PKNOX2: variants seen among roughly 807,000 people sequenced by gnomAD.
PKNOX2 encodes the protein homeobox protein PKNOX2.
In PKNOX2, 14 loss-of-function variants were observed where a neutral mutation model predicts 53.1. That is an observed-to-expected ratio of 0.26 (90% confidence interval 0.17 to 0.41). The LOEUF (loss-of-function observed/expected upper bound fraction) is 0.41. Ranked by LOEUF, PKNOX2 falls within the 10% of genes least tolerant of loss-of-function variation. The probability of loss-of-function intolerance (pLI) is 1.00; values close to 1 mark genes in which losing one functional copy is unlikely to be tolerated. For synonymous variants in PKNOX2, 257 were observed against 242.8 expected (o/e 1.06, Z -0.54); for missense variants, 496 against 602.8 (o/e 0.82, Z 1.85).
intron 2 of PKNOX2, among the ~76,000 whole-genome samples, chr11:125,260,139 A>G (rs994116047): frequency 4.6e-5 from 7 of 152,022 alleles, no homozygotes; most frequent in East Asian, 1.9e-4. Context: ...CAGCCCCCCA[A>G]AGTGCTGGGA....
chr11:125,309,152 T>C (rs1157403538), intron 2 of PKNOX2, among the ~76,000 whole-genome samples: 447 of 150,228 alleles, frequency 3.0e-3, no homozygotes, highest in African/African-American at 0.011. Flanking sequence ...TCTTTCTTTC[T>C]TTCTTTCCTT....
chr11:125,234,224 C>T (rs1322272194), intron 1 of PKNOX2, among the ~76,000 whole-genome samples: 2 of 152,222 alleles, frequency 1.3e-5, no homozygotes, highest in South Asian at 2.1e-4. Context: ...AAATAGGCAT[C>T]GCTTCTGTAC....
intron 2 of PKNOX2, among the ~76,000 whole-genome samples, chr11:125,279,079 G>T (rs1447138652): frequency 6.6e-6 from 1 of 152,194 alleles, no homozygotes; most frequent in East Asian, 1.9e-4. Context: ...CGGGACTATT[G>T]GAAACCAGAG....
intron 1 of PKNOX2, among the ~76,000 whole-genome samples, chr11:125,198,144 C>T (rs1937959002): frequency 6.6e-6 from 1 of 152,196 alleles, no homozygotes. Flanking sequence ...CTTGTTGGGG[C>T]TCTCACATCT....
intron 3 of PKNOX2, among the ~76,000 whole-genome samples, chr11:125,346,608 C>T (rs1393227106): frequency 6.6e-6 from 1 of 152,166 alleles, no homozygotes; most frequent in African/African-American, 2.4e-5. Context: ...GAAATTGAGA[C>T]CCAGACAGAG....
chr11:125,170,521 G>A (rs956538080), intron 1 of PKNOX2, among the ~76,000 whole-genome samples: 3 of 152,258 alleles, frequency 2.0e-5, no homozygotes, highest in East Asian at 1.9e-4. Flanking sequence ...AAGCAAGCCC[G>A]GGACAGCTCA....
intron 2 of PKNOX2, among the ~76,000 whole-genome samples, chr11:125,319,436 G>T (rs184005994): frequency 6.6e-6 from 1 of 152,150 alleles, no homozygotes; most frequent in East Asian, 1.9e-4. Context: ...TGCTCAATGC[G>T]GTGTTGCCAT....
At position 125,331,210 on chromosome 11, in the gene PKNOX2, A is replaced by T. The variant is rs150343976; in HGVS notation, c.-129-609A>T. ...AAACAAAATTAATTCACTTTAATCT[A>T]AAAATAAAAATAAGTCATGCAGCCA... On this transcript the variant is annotated intron_variant, in intron 2 of 12. Transcript: ENST00000298282. 2.8e-4 allele frequency among the ~76,000 whole-genome samples: 43 copies of T among 152,310 alleles called. 1 individual carries two copies. In the East Asian group the frequency reaches 8.1e-3, roughly 29 times the overall value.
At chr11:125,398,725 A>C (rs114521631) in intron 7 of PKNOX2, among the ~76,000 whole-genome samples, 1 of 152,152 alleles carries the variant, frequency 6.6e-6, no homozygotes, top group African/African-American at 2.4e-5. Flanking sequence ...CCAGGGCAGG[A>C]TATTTTCCCC....
intron 10 of PKNOX2, among the ~76,000 whole-genome samples, chr11:125,417,926 C>T (rs1394956852): frequency 2.6e-5 from 4 of 152,042 alleles, no homozygotes; most frequent in Admixed American, 2.6e-4. Context: ...CTTCTATGAA[C>T]TCTGCTGTGG....
intron 2 of PKNOX2, among the ~76,000 whole-genome samples, chr11:125,307,382 A>G (rs571852179): frequency 6.6e-6 from 1 of 152,274 alleles, no homozygotes; most frequent in South Asian, 2.1e-4. Context: ...ACATGGTGAA[A>G]CCCTGTGTCT....
At chr11:125,417,832 C>T (rs534414472) in intron 10 of PKNOX2, among the ~76,000 whole-genome samples, 1 of 152,062 alleles carries the variant, frequency 6.6e-6, no homozygotes, top group African/African-American at 2.4e-5. Flanking sequence ...ATTCAGAAGC[C>T]TGGCCTGGCA....
chr11:125,380,296 C>T (rs917647301), intron 5 of PKNOX2, among the ~76,000 whole-genome samples: 1 of 152,156 alleles, frequency 6.6e-6, no homozygotes, highest in Non-Finnish European at 1.5e-5. Flanking sequence ...TGCCAGTTCA[C>T]TCCTTTTATT....
intron 4 of PKNOX2, among the ~76,000 whole-genome samples, chr11:125,355,277 G>GAAAAAAAAAAA (rs61437536): frequency 2.7e-5 from 3 of 109,210 alleles, no homozygotes; most frequent in African/African-American, 6.6e-5. Context: ...AAAAAAAAAA[G>GAAAAAAAAAAA]AAAAAAAAAA....
intron 2 of PKNOX2, among the ~76,000 whole-genome samples, chr11:125,274,863 T>C (rs991222446): frequency 3.3e-5 from 5 of 152,262 alleles, no homozygotes; most frequent in Admixed American, 3.3e-4. Context: ...TGCACATCCA[T>C]GTGCATCTAT....
intron 1 of PKNOX2, among the ~76,000 whole-genome samples, chr11:125,170,232 T>G (rs1050985806): frequency 6.6e-6 from 1 of 152,216 alleles, no homozygotes; most frequent in African/African-American, 2.4e-5. Flanking sequence ...CGTAGACTCC[T>G]TCTGTTCCGG....
rs185996196 is a variant in PKNOX2 at position 125,409,321 on chromosome 11, G to A, written c.589-875G>A. On this transcript the variant is annotated intron_variant, in intron 7 of 12. Transcript: ENST00000298282. ...AATGGTGAGGAGAGCAGAGGGCCAG[G>A]AAAACATGTCTTACCTGCCTGGGCT... 9.7e-4 allele frequency among the ~76,000 whole-genome samples: 148 copies of A among 152,316 alleles called. 2 individuals are homozygous for A. Among genetic ancestry groups the A allele is most frequent in the African/African-American group, 3.5e-3 (144 of 41,568 alleles).
rs1954850801 is a variant in PKNOX2 at position 125,166,044 on chromosome 11, T to C, written c.-201+1268T>C. 6.6e-6 allele frequency among the ~76,000 whole-genome samples: 1 copy of C among 151,948 alleles called. No individual in the cohort carries two copies. The highest frequency in any genetic ancestry group is 1.5e-5 in the Non-Finnish European group (1 of 67,986). ...GTAGGGGCTTGTGGATCGGCCTGAA[T>C]TAGGGCTGGGTTTTAGGACCAGTCT... On this transcript the variant is annotated intron_variant, in intron 1 of 12. Transcript: ENST00000298282. This position sits in a 1 kb window ranked among gnomAD's most constrained non-coding sequence, Gnocchi z 4.0.
At chr11:125,324,369 C>T (rs1949710378) in intron 2 of PKNOX2, among the ~76,000 whole-genome samples, 1 of 152,168 alleles carries the variant, frequency 6.6e-6, no homozygotes, top group African/African-American at 2.4e-5. Flanking sequence ...AGGAGATCAG[C>T]ATGTGGTGTG....
Sources: gnomAD v4.1 joint callset for allele counts (sites outside exome capture counted in the v4.1 genomes callset) on GRCh38, gnomAD v4.1.1 for gene constraint, Gnocchi (gnomAD v3.1) non-coding constraint, MANE v1.5 for transcripts, NCBI Gene and HGNC (gene_info 2026-07-23, HGNC 2026-07-21) for gene names.